Variants in PREP observed in about 807,000 individuals in gnomAD.
PREP encodes the protein prolyl endopeptidase, also known as dJ355L5.1 (prolyl endopeptidase).
PREP carries 29 observed loss-of-function variants against 87.6 expected under a neutral mutation model. That is an observed-to-expected ratio of 0.33 (90% CI 0.25 to 0.45). The LOEUF is 0.45. Among genes scored for constraint, PREP ranks in the 20% least tolerant of loss-of-function variants. The probability of loss-of-function intolerance (pLI) is 1.00; values close to 1 mark genes in which losing one functional copy is unlikely to be tolerated. For synonymous variants in PREP, 337 were observed against 328.6 expected (o/e 1.03, Z -0.28); for missense variants, 695 against 886.5 (o/e 0.78, Z 2.74).
chr6:105,395,060 T>C (rs980289112), intron 2 of PREP, among the ~76,000 whole-genome samples: 3 of 152,202 alleles, frequency 2.0e-5, no homozygotes, highest in African/African-American at 7.2e-5. Flanking sequence ...ACTATTAAAA[T>C]TCTGGGCTGC....
chr6:105,357,087 CAA>C (rs1011188173), intron 6 of PREP, among the ~76,000 whole-genome samples: 1 of 152,116 alleles, frequency 6.6e-6, no homozygotes, highest in Non-Finnish European at 1.5e-5. Context: ...ACATGGCTAA[CAA>C]AACTGTTCAG....
In PREP at chr6:105,279,923, A is replaced by AAGTT. The variant is rs549045931; in HGVS notation, c.1839-1489_1839-1486dup. ...GTTTCCTTACGTGCAAATTTTCTCT[A>AAGTT]AGTTAGATATTCCTTCTTCAAATAT... On this transcript the variant is annotated intron_variant, in intron 14 of 14. Transcript: ENST00000652536. 9.8e-5 allele frequency among the ~76,000 whole-genome samples: 15 copies of AAGTT among 152,316 alleles called. No homozygotes were observed. In the South Asian group the frequency reaches 1.2e-3, roughly 13 times the overall value.
rs1041770437 is a variant in PREP, at chr6:105,281,525, T to C, written c.1838+221A>G. 1.9e-5 allele frequency: 9 copies of C among 479,592 alleles called. No individual in the cohort carries two copies. In the East Asian group the frequency reaches 3.0e-4, roughly 16 times the overall value. 29.7% of individuals were successfully genotyped at this position (479,592 alleles called of 1,614,324 possible). On this transcript the variant is annotated intron_variant, in intron 14 of 14. Coordinates refer to ENST00000652536, the MANE Select transcript of PREP (RefSeq NM_002726.5). ...CCAGGGTAGGAATCTTGGGAGGCCATCTGTAGAATTCTGCCCTACCACATT... is the reference window on the plus strand; with the variant it reads ...CCAGGGTAGGAATCTTGGGAGGCCACCTGTAGAATTCTGCCCTACCACATT...
intron 2 of PREP, among the ~76,000 whole-genome samples, chr6:105,397,056 A>G (rs1773303321): frequency 6.6e-6 from 1 of 152,078 alleles, no homozygotes; most frequent in African/African-American, 2.4e-5. Context: ...GTGGTGGCAC[A>G]TGCCTGTAAT....
intron 10 of PREP, among the ~76,000 whole-genome samples, chr6:105,314,741 C>G (rs1330845505): frequency 3.9e-5 from 6 of 152,192 alleles, no homozygotes. Context: ...CTTCCAAACT[C>G]ATGTTAATGT....
In PREP at chr6:105,276,513, ATT is replaced by A. The variant is rs1769934390; in HGVS notation, c.*1629_*1630del. Among the ~76,000 whole-genome samples the A allele has an allele frequency of 6.6e-6, 1 of 152,184 alleles. No individual in the cohort carries two copies. Among genetic ancestry groups the A allele is most frequent in the African/African-American group, 2.4e-5 (1 of 41,440 alleles). On this transcript the variant is annotated 3_prime_UTR_variant, in exon 15 of 15. Transcript: ENST00000652536. ...GCCTCTGGCTTGACCATGCAAATGTATTTTCTTTCTTTCCTGCCATGCTGGTC... is the reference window on the plus strand; with the variant it reads ...GCCTCTGGCTTGACCATGCAAATGTATTCTTTCTTTCCTGCCATGCTGGTC...
intron 7 of PREP, among the ~76,000 whole-genome samples, chr6:105,336,774 CA>C (rs1771492232): frequency 6.6e-6 from 1 of 152,142 alleles, no homozygotes; most frequent in South Asian, 2.1e-4. Context: ...TGTAGTTTAT[CA>C]TTTTTGGAAA....
Position 105,281,896 on chromosome 6 carries a change from C to T in PREP, c.1688G>A (p.Cys563Tyr), listed in dbSNP as rs1490321847. 2 of 1,613,564 alleles carry T rather than the reference C, an allele frequency of 1.2e-6. No individual in the cohort carries two copies. The highest frequency in any genetic ancestry group is 1.7e-6 in the Non-Finnish European group (2 of 1,179,856). Reference protein sequence around the residue: ...GSNGGLLVAACANQRPDLFGC... With the variant: ...GSNGGLLVAAYANQRPDLFGC... ...AAAGAGGTCAGGTCTCTGATTTGCA[C>T]AAGCAGCTAAAAGCCCAACGTAGAA... Residue 563 changes from cysteine to tyrosine, a missense_variant, in exon 14 of 15, where the codon TGT becomes TAT. Coordinates refer to ENST00000652536, the MANE Select transcript of PREP (RefSeq NM_002726.5).
At chr6:105,306,752 TCCCCGCCCC>T (rs1372578004) in intron 10 of PREP, among the ~76,000 whole-genome samples, 1 of 145,948 alleles carries the variant, frequency 6.9e-6, no homozygotes, top group Non-Finnish European at 1.5e-5. Flanking sequence ...ACCACCACCA[TCCCCGCCCC>T]CACCACCCCC....
At chr6:105,308,210 C>A (rs1242484084) in intron 10 of PREP, among the ~76,000 whole-genome samples, 1 of 151,782 alleles carries the variant, frequency 6.6e-6, no homozygotes, top group East Asian at 1.9e-4. Context: ...AAGCCAAAAG[C>A]CACTAAAAGA....
Position 105,274,167 on chromosome 6 carries a change from C to T in PREP, c.*3977G>A, listed in dbSNP as rs1391163043. Among the ~76,000 whole-genome samples the T allele has an allele frequency of 2.6e-5, 4 of 152,126 alleles. No homozygotes were observed. Among genetic ancestry groups the T allele is most frequent in the South Asian group, 2.1e-4 (1 of 4,826 alleles). On this transcript the variant is annotated 3_prime_UTR_variant, in exon 15 of 15. Transcript: ENST00000652536. Reference sequence around the variant, plus strand: ...GGTGGGTTGTCAACAACAGAAATTGCTCTCTCACAGTCCTAGAGTCTGGGA... The same window carrying T: ...GGTGGGTTGTCAACAACAGAAATTGTTCTCTCACAGTCCTAGAGTCTGGGA...
chr6:105,289,402 A>G (rs1770250314), intron 10 of PREP, among the ~76,000 whole-genome samples: 1 of 152,188 alleles, frequency 6.6e-6, no homozygotes, highest in Admixed American at 6.5e-5. Flanking sequence ...TCAAGACGTC[A>G]TTTTTCTATG....
intron 7 of PREP, among the ~76,000 whole-genome samples, chr6:105,335,058 T>C (rs940421405): frequency 2.6e-5 from 4 of 152,234 alleles, no homozygotes; most frequent in African/African-American, 9.6e-5. Context: ...TACTAAGAAC[T>C]AGAGATGATC....
chr6:105,278,046 T>G lies in PREP; in HGVS notation c.*98A>C, dbSNP rs1486669310. 1.4e-6 allele frequency: 2 copies of G among 1,415,474 alleles called. No homozygotes were observed. The highest frequency in any genetic ancestry group is 9.7e-7 in the Non-Finnish European group (1 of 1,033,658). 87.7% of individuals were successfully genotyped at this position (1,415,474 alleles called of 1,614,324 possible). ...GTAGCCTGTGAGTGCAGGAATAATG[T>G]TCCCGTGGGGAAGCATTATGCCCAG... On this transcript the variant is annotated 3_prime_UTR_variant, in exon 15 of 15. Coordinates refer to ENST00000652536, the MANE Select transcript of PREP (RefSeq NM_002726.5). The surrounding 1 kb of genome is among the most constrained non-coding windows in gnomAD (Gnocchi z 4.2).
chr6:105,396,396 A>C (rs993903601), intron 2 of PREP, among the ~76,000 whole-genome samples: 1 of 152,230 alleles, frequency 6.6e-6, no homozygotes, highest in Non-Finnish European at 1.5e-5. Flanking sequence ...CCAGTGCTTG[A>C]GACTAAAGGA....
intron 10 of PREP, among the ~76,000 whole-genome samples, chr6:105,311,590 C>A (rs894058140): frequency 3.3e-5 from 5 of 152,264 alleles, no homozygotes; most frequent in African/African-American, 7.2e-5. Flanking sequence ...CTTCTCCCAA[C>A]TTGCAATGCT....
At chr6:105,335,204 T>C (rs944683422) in intron 7 of PREP, among the ~76,000 whole-genome samples, 5 of 152,344 alleles carry the variant, frequency 3.3e-5, no homozygotes, top group Admixed American at 2.6e-4. Context: ...ACACAGATGA[T>C]GTTCAGAGAA....
intron 2 of PREP, among the ~76,000 whole-genome samples, chr6:105,393,051 T>C (rs1373890653): frequency 6.6e-6 from 1 of 152,214 alleles, no homozygotes; most frequent in Non-Finnish European, 1.5e-5. Context: ...AAAGGTATGG[T>C]GGGTTTTTCA....
intron 3 of PREP, among the ~76,000 whole-genome samples, chr6:105,376,699 G>GCCATA (rs1194864770): frequency 6.6e-6 from 1 of 152,186 alleles, no homozygotes; most frequent in Non-Finnish European, 1.5e-5. Flanking sequence ...AGCTCTGTGA[G>GCCATA]CCATACAGTC....
Sources: gnomAD v4.1 joint callset for allele counts (sites outside exome capture counted in the v4.1 genomes callset) on GRCh38, gnomAD v4.1.1 for gene constraint, Gnocchi (gnomAD v3.1) non-coding constraint, MANE v1.5 for transcripts, NCBI Gene and HGNC (gene_info 2026-07-23, HGNC 2026-07-21) for gene names.